The following FOXP2 variants were observed in gnomAD, a reference collection of about 807,000 sequenced individuals.
FOXP2 encodes forkhead box P2, also known as forkhead box protein P2.
In FOXP2, 12 loss-of-function variants were observed where a neutral mutation model predicts 115.8. The ratio of observed to expected loss-of-function variants is 0.10; its 90% CI spans 0.07 to 0.17. The LOEUF is 0.17. FOXP2 is among the 10% of genes least tolerant of loss of function. The pLI is 1.00. For missense variants in FOXP2, 629 were observed against 843.5 expected (o/e 0.75, Z 3.15); for synonymous variants, 328 against 297.7 (o/e 1.10, Z -1.05).
At position 114,689,993 on chromosome 7, in the gene FOXP2, T is replaced by G; in HGVS notation, c.*67T>G. The G allele has an allele frequency of 6.3e-7, 1 of 1,588,338 alleles. No homozygotes were observed. Among genetic ancestry groups the G allele is most frequent in the Non-Finnish European group, 8.6e-7 (1 of 1,162,320 alleles). On this transcript the variant is annotated 3_prime_UTR_variant, in exon 17 of 17. Coordinates refer to ENST00000350908, the MANE Select transcript of FOXP2 (RefSeq NM_014491.4). ...GACCTTCATAACCACTCCACAACCA[T>G]GAATATTTGACAAATTTTTACTGTG...
chr7:114,553,678 T>A (rs1294016153), intron 3 of FOXP2, among the ~76,000 whole-genome samples: 1 of 152,152 alleles, frequency 6.6e-6, no homozygotes, highest in Admixed American at 6.5e-5. Context: ...GTAACAATAA[T>A]AAACTGACTT....
chr7:114,549,423 G>T (rs1800093576), intron 3 of FOXP2, among the ~76,000 whole-genome samples: 1 of 152,132 alleles, frequency 6.6e-6, no homozygotes, highest in Admixed American at 6.5e-5. Context: ...AATAGAAGGA[G>T]GACAGGAAGG....
intron 2 of FOXP2, among the ~76,000 whole-genome samples, chr7:114,352,771 G>A (rs1791524697): frequency 6.6e-6 from 1 of 152,046 alleles, no homozygotes; most frequent in Non-Finnish European, 1.5e-5. Flanking sequence ...CTGAGGTACT[G>A]AGGGTTAGGA....
chr7:114,106,441 G>A (rs2129141474), intron 1 of FOXP2, among the ~76,000 whole-genome samples: 1 of 151,348 alleles, frequency 6.6e-6, no homozygotes, highest in African/African-American at 2.4e-5. Context: ...CCAGGGTTTA[G>A]GATGGGCAAC....
At chr7:114,192,894 G>A (rs1486355472) in intron 1 of FOXP2, among the ~76,000 whole-genome samples, 4 of 152,054 alleles carry the variant, frequency 2.6e-5, no homozygotes, top group Admixed American at 6.6e-5. Context: ...TAAATGAAGA[G>A]CTATGGACTG....
intron 14 of FOXP2, among the ~76,000 whole-genome samples, chr7:114,662,915 T>A (rs1337957172): frequency 6.6e-6 from 1 of 152,186 alleles, no homozygotes; most frequent in African/African-American, 2.4e-5. Context: ...GAGATGACTT[T>A]AATGTATTTT....
chr7:114,354,584 A>G (rs1358828920), intron 2 of FOXP2, among the ~76,000 whole-genome samples: 1 of 152,012 alleles, frequency 6.6e-6, no homozygotes, highest in African/African-American at 2.4e-5. Flanking sequence ...ATAAGCTTAA[A>G]TCCCTTCCAT....
chr7:114,647,523 T>G (rs1373335336), intron 8 of FOXP2, among the ~76,000 whole-genome samples: 3 of 151,880 alleles, frequency 2.0e-5, no homozygotes, highest in African/African-American at 7.2e-5. Context: ...AACAGCAAGA[T>G]GAAAGCAGAA....
At chr7:114,273,386 C>A (rs1233138262) in intron 1 of FOXP2, among the ~76,000 whole-genome samples, 1 of 151,868 alleles carries the variant, frequency 6.6e-6, no homozygotes. Context: ...TGAGTGTTCC[C>A]ATGTGAGCTT....
At chr7:114,176,398 G>A (rs1042299840) in intron 1 of FOXP2, among the ~76,000 whole-genome samples, 2 of 150,506 alleles carry the variant, frequency 1.3e-5, no homozygotes, top group African/African-American at 4.9e-5. Context: ...GAGTGCAGTG[G>A]TGCAGTCTCA....
At position 114,524,095 on chromosome 7, in the gene FOXP2, A is replaced by G. The variant is rs529607423; in HGVS notation, c.169-10522A>G. 1.3e-4 allele frequency among the ~76,000 whole-genome samples: 20 copies of G among 152,252 alleles called. No individual in the cohort carries two copies. The South Asian group carries it at 4.1e-3, about 32-fold the overall frequency. On this transcript the variant is annotated intron_variant, in intron 2 of 16. Transcript: ENST00000350908. ...TTAACTTCATCAGAAAATAGTACAT[A>G]TTGTTTAATGCTTTATTTATAGATG...
rs201808445 is a variant in FOXP2 at position 114,628,975 on chromosome 7, C to CA, written c.396+305dup. The CA allele has an allele frequency of 3.4e-3, 1,112 of 329,642 alleles. 11 individuals are homozygous for CA. The highest frequency in any genetic ancestry group is 0.021 in the African/African-American group (959 of 46,566). The allele number at this position is 329,642 out of a possible 1,614,324, so 20.4% of individuals were successfully genotyped here. ...AGGTACATTCAATTTGTTGACTTGC[C>CA]AAAAAAATGCAAAAATACTTACCAG... On this transcript the variant is annotated intron_variant, in intron 4 of 16. Transcript: ENST00000350908.
intron 3 of FOXP2, among the ~76,000 whole-genome samples, chr7:114,606,808 G>A (rs1803358018): frequency 6.6e-6 from 1 of 152,114 alleles, no homozygotes; most frequent in South Asian, 2.1e-4. Context: ...TCAAATTAGA[G>A]GAAGGCTAAT....
intron 8 of FOXP2, chr7:114,645,201 G>A (rs1336389149): frequency 3.7e-5 from 4 of 108,432 alleles, no homozygotes; most frequent in African/African-American, 1.4e-4. Context: ...TATTTTGAAA[G>A]TTCGTTTTTT....
In FOXP2 at chr7:114,405,134, T is replaced by G. The variant is rs181516624; in HGVS notation, c.-10-21368T>G. 1.0e-3 allele frequency among the ~76,000 whole-genome samples: 154 copies of G among 152,092 alleles called. 1 individual carries two copies. Among genetic ancestry groups the G allele is most frequent in the African/African-American group, 3.5e-3 (144 of 41,576 alleles). On this transcript the variant is annotated intron_variant, in intron 2 of 17. Coordinates refer to the FOXP2 transcript ENST00000634411. ...TGGCCCCCTATTAAGTGGTAGAATA[T>G]AAATTGTTTACTGGTGTTACTATAT...
chr7:114,331,412 T>C (rs1157331998), intron 2 of FOXP2, among the ~76,000 whole-genome samples: 3 of 152,130 alleles, frequency 2.0e-5, no homozygotes, highest in South Asian at 2.1e-4. Flanking sequence ...TATATAACCT[T>C]AGAAGACATT....
At chr7:114,323,000 T>C (rs1472481980) in intron 2 of FOXP2, among the ~76,000 whole-genome samples, 1 of 152,216 alleles carries the variant, frequency 6.6e-6, no homozygotes, top group Non-Finnish European at 1.5e-5. Context: ...TTGGCAGATT[T>C]ATACCTAACT....
At chr7:114,243,367 C>G (rs1239910299) in intron 1 of FOXP2, among the ~76,000 whole-genome samples, 1 of 151,470 alleles carries the variant, frequency 6.6e-6, no homozygotes, top group Non-Finnish European at 1.5e-5. Context: ...GAAACCAGAT[C>G]AAAGCACATG....
intron 3 of FOXP2, among the ~76,000 whole-genome samples, chr7:114,537,107 C>T (rs1394336568): frequency 1.3e-5 from 2 of 151,308 alleles, no homozygotes; most frequent in Non-Finnish European, 1.5e-5. Context: ...AAAAAGGGTA[C>T]GATGTTTTCA....
Sources: allele counts gnomAD v4.1 joint callset (sites outside exome capture counted in the v4.1 genomes callset), GRCh38; gene constraint gnomAD v4.1.1; transcripts MANE v1.5; gene names NCBI Gene and HGNC (gene_info 2026-07-23, HGNC 2026-07-21).